The following THADA variants were observed in gnomAD, a reference collection of about 807,000 sequenced individuals.
The protein encoded by THADA is THADA armadillo repeat containing.
In THADA, 213 loss-of-function variants were observed where a neutral mutation model predicts 219.8. The ratio of observed to expected loss-of-function variants is 0.97; its 90% CI spans 0.87 to 1.09. The LOEUF (loss-of-function observed/expected upper bound fraction) is 1.09. Ranked by LOEUF, THADA falls within the 50% of genes least tolerant of loss-of-function variation. The pLI is 0.00. For missense variants in THADA, 2,956 were observed against 2,311.3 expected (o/e 1.28, Z -5.72); for synonymous variants, 1,018 against 828.9 (o/e 1.23, Z -3.92).
At chr2:43,484,717 C>T (rs1374275023) in intron 26 of THADA, among the ~76,000 whole-genome samples, 1 of 151,930 alleles carries the variant, frequency 6.6e-6, no homozygotes, top group Admixed American at 6.6e-5. Context: ...AAACATAAAA[C>T]TAAAGACCAA....
chr2:43,248,299 G>A (rs908940557), intron 36 of THADA, among the ~76,000 whole-genome samples: 2 of 148,750 alleles, frequency 1.3e-5, no homozygotes, highest in South Asian at 2.2e-4. Flanking sequence ...GCATGATCTC[G>A]GTTCAGTGCA....
intron 26 of THADA, among the ~76,000 whole-genome samples, chr2:43,466,297 T>A (rs1399885688): frequency 6.6e-6 from 1 of 152,190 alleles, no homozygotes; most frequent in Admixed American, 6.5e-5. Flanking sequence ...TGAAAAAACA[T>A]GTTCACACCA....
chr2:43,447,009 A>G (rs903625273), intron 26 of THADA, among the ~76,000 whole-genome samples: 7 of 152,212 alleles, frequency 4.6e-5, no homozygotes, highest in African/African-American at 1.7e-4. Flanking sequence ...CTATGAAGAA[A>G]TACCCGAGAC....
intron 22 of THADA, among the ~76,000 whole-genome samples, chr2:43,518,000 G>A (rs562163580): frequency 2.6e-5 from 4 of 152,246 alleles, no homozygotes; most frequent in East Asian, 1.9e-4. Context: ...TTCAGGCCCT[G>A]GCTGAAATAT....
At chr2:43,359,292 T>C (rs546109604) in intron 29 of THADA, among the ~76,000 whole-genome samples, 52 of 152,340 alleles carry the variant, frequency 3.4e-4, no homozygotes, top group African/African-American at 1.3e-3. Flanking sequence ...GGCACCTTTG[T>C]TCAGAGAATG....
chr2:43,392,479 T>A (rs943707731), intron 29 of THADA, among the ~76,000 whole-genome samples: 1 of 152,198 alleles, frequency 6.6e-6, no homozygotes, highest in Non-Finnish European at 1.5e-5. Flanking sequence ...CCATCCCTGC[T>A]TCTTGCACAG....
intron 13 of THADA, among the ~76,000 whole-genome samples, chr2:43,570,922 T>G (rs1227199181): frequency 6.6e-6 from 1 of 152,164 alleles, no homozygotes; most frequent in Non-Finnish European, 1.5e-5. Flanking sequence ...GACTTTTTCT[T>G]TACAAAAAAG....
chr2:43,470,635 C>T (rs1212663940), intron 26 of THADA, among the ~76,000 whole-genome samples: 1 of 152,068 alleles, frequency 6.6e-6, no homozygotes, highest in African/African-American at 2.4e-5. Flanking sequence ...GAAAATGCAA[C>T]AAAATGCTAA....
chr2:43,520,160 C>A (rs1178672854), intron 22 of THADA, among the ~76,000 whole-genome samples: 1 of 152,194 alleles, frequency 6.6e-6, no homozygotes, highest in East Asian at 1.9e-4. Flanking sequence ...TCTATGTAGT[C>A]ACCAACCACA....
At chr2:43,567,949 T>C (rs1292492619) in intron 14 of THADA, among the ~76,000 whole-genome samples, 3 of 152,204 alleles carry the variant, frequency 2.0e-5, no homozygotes, top group African/African-American at 7.2e-5. Context: ...TTTTATGTCA[T>C]TCACATCAGT....
At chr2:43,554,825 T>C (rs1238145016) in intron 17 of THADA, among the ~76,000 whole-genome samples, 2 of 152,220 alleles carry the variant, frequency 1.3e-5, no homozygotes, top group Non-Finnish European at 2.9e-5. Flanking sequence ...GATATTAATA[T>C]ACAGGCTAAG....
chr2:43,559,836 G>C (rs1164120860), intron 16 of THADA, among the ~76,000 whole-genome samples: 1 of 152,184 alleles, frequency 6.6e-6, no homozygotes, highest in East Asian at 1.9e-4. Flanking sequence ...AGTTTCTCAA[G>C]TGTATGAAAA....
At chr2:43,240,407 T>G (rs754665704) in intron 36 of THADA, among the ~76,000 whole-genome samples, 4 of 152,174 alleles carry the variant, frequency 2.6e-5, no homozygotes, top group African/African-American at 4.8e-5. Context: ...CACTTCCCCT[T>G]AGCAGGGGAA....
rs56278559 is a variant in THADA at position 43,310,223 on chromosome 2, C to T, written c.4438+10223G>A. 3.8e-3 allele frequency among the ~76,000 whole-genome samples: 202 copies of T among 53,088 alleles called. 5 individuals carry two copies. Among genetic ancestry groups the T allele is most frequent in the African/African-American group, 8.9e-3 (104 of 11,632 alleles). The allele number at this position is 53,088 out of a possible 152,430, so 34.8% of individuals were successfully genotyped here. ...CCTCCCTCCCTCCCTCCCTCCCTTT[C>T]CCGCCCCCCCCCCAAACAAGCTGAT... is the stretch of plus-strand genomic sequence containing the variant. On this transcript the variant is annotated intron_variant, in intron 31 of 37. Coordinates refer to ENST00000405975, the MANE Select transcript of THADA (RefSeq NM_022065.5).
chr2:43,549,311 T>A lies in THADA; in HGVS notation c.3005A>T (p.Asp1002Val). 1 of 1,601,802 alleles carries A rather than the reference T, an allele frequency of 6.2e-7. No homozygotes were observed. The highest frequency in any genetic ancestry group is 8.5e-7 in the Non-Finnish European group (1 of 1,174,314). ...LNEIQPRDTNDYFNQAKILKE... is the reference protein window; with the variant it reads ...LNEIQPRDTNVYFNQAKILKE... ...CAATATTTTGGCTTGGTTAAAATAA[T>A]CATTAGTATCTCGAGGCTGAATCTC... Residue 1002 changes from aspartate (D) to valine (V), a missense_variant, in exon 20 of 38, where the codon GAT becomes GTT. Physicochemically the swap from Asp to Val is radical, Grantham distance 152 (BLOSUM62 -3). Transcript: ENST00000405975.
intron 29 of THADA, among the ~76,000 whole-genome samples, chr2:43,368,836 C>T (rs917057273): frequency 7.2e-5 from 11 of 152,302 alleles, no homozygotes; most frequent in African/African-American, 2.6e-4. Context: ...AACATCTATC[C>T]AACCTAACAT....
Position 43,574,502 on chromosome 2 carries a change from C to T in THADA, c.1563G>A (p.Gln521=). ...GAGGAGAAACCCAAGTCTCATGCCA[C>T]TGGTCAATCCAAGAACTCTCAGCAG... is the stretch of plus-strand genomic sequence containing the variant. The part of the protein sequence containing the change: ...SQTAESSWID[Q]WHETWVSPLL... Residue 521 remains glutamine (Q), a synonymous_variant, in exon 11 of 38, where the codon CAG becomes CAA. Transcript: ENST00000405975. 1 of 1,613,982 alleles carries T rather than the reference C, an allele frequency of 6.2e-7. No individual in the cohort carries two copies. Among genetic ancestry groups the T allele is most frequent in the Admixed American group, 1.7e-5 (1 of 60,010 alleles).
rs986851117 is a variant in THADA at position 43,380,927 on chromosome 2, C to T, written c.4227+17044G>A. On this transcript the variant is annotated intron_variant, in intron 29 of 37. Transcript: ENST00000405975. Reference sequence around the variant, plus strand: ...CAGCCTGGCCAACATGCTGAAACCCCGTCTCTACGAAAAATACAAAATTAG... The same window carrying T: ...CAGCCTGGCCAACATGCTGAAACCCTGTCTCTACGAAAAATACAAAATTAG... Among the ~76,000 whole-genome samples the T allele has an allele frequency of 3.3e-5, 5 of 151,844 alleles. No homozygotes were observed. In the East Asian group the frequency reaches 5.8e-4, roughly 18 times the overall value.
In THADA at chr2:43,586,438, G is replaced by C. The variant is rs774331636; in HGVS notation, c.496C>G (p.Leu166Val). ...AGGATTTCAATTAAACTCTTCTGCA[G>C]AAAATGAAGCACTGAAACAAAAAGA... Reference protein sequence around the residue: ...NNLLKNVLHFLQKSLIEILEE... With the variant: ...NNLLKNVLHFVQKSLIEILEE... The change falls in exon 7 of 38, where the codon CTG becomes GTG. Residue 166 changes from leucine (L) to valine (V), a missense_variant. By Grantham distance (32) the Leu-to-Val change is conservative (BLOSUM62 1). Transcript: ENST00000405975. 5.1e-6 allele frequency: 8 copies of C among 1,578,626 alleles called. No individual in the cohort carries two copies. The South Asian group carries it at 9.5e-5, about 19-fold the overall frequency.
Sources: allele counts gnomAD v4.1 joint callset (sites outside exome capture counted in the v4.1 genomes callset), GRCh38; gene constraint gnomAD v4.1.1; transcripts MANE v1.5; gene names NCBI Gene and HGNC (gene_info 2026-07-23, HGNC 2026-07-21).